MLXIP: variants seen among roughly 807,000 people sequenced by gnomAD.
The protein encoded by MLXIP is MLX-interacting protein.
A neutral mutation model predicts 87.2 loss-of-function variants in MLXIP; 30 were observed. The ratio of observed to expected loss-of-function variants is 0.34; its 90% CI spans 0.26 to 0.47. The LOEUF is 0.47. Among genes scored for constraint, MLXIP ranks in the 20% least tolerant of loss-of-function variants. The pLI, the probability that MLXIP is intolerant of heterozygous loss-of-function variation, is 1.00. For synonymous variants in MLXIP, 530 were observed against 514.0 expected (o/e 1.03, Z -0.42); for missense variants, 1,002 against 1,240.1 (o/e 0.81, Z 2.88).
At chr12:122,092,458 A>G (rs1952260664) in intron 1 of MLXIP, among the ~76,000 whole-genome samples, 1 of 152,080 alleles carries the variant, frequency 6.6e-6, no homozygotes, top group African/African-American at 2.4e-5. Context: ...TGCTCTGTTT[A>G]AAGTCACAGG....
rs367682904 is a variant in MLXIP at position 122,130,084 on chromosome 12, G to C, written c.882G>C (p.Pro294=). 2 of 1,613,844 alleles carry C rather than the reference G, an allele frequency of 1.2e-6. No homozygotes were observed. The highest frequency in any genetic ancestry group is 1.7e-6 in the Non-Finnish European group (2 of 1,179,838). Residue 294 remains proline (P), a synonymous_variant, in exon 6 of 17, where the codon CCG becomes CCC. Coordinates refer to ENST00000319080, the MANE Select transcript of MLXIP (RefSeq NM_014938.6). ...TLFSTLSSHQ[P]VAWPNPREIA... Reference sequence around the variant, plus strand: ...TCTCCACACTTTCTTCACACCAGCCGGTGGCCTGGCCCAATCCCCGGGAAA... The same window carrying C: ...TCTCCACACTTTCTTCACACCAGCCCGTGGCCTGGCCCAATCCCCGGGAAA...
At chr12:122,122,212 A>G (rs28683032) in intron 1 of MLXIP, among the ~76,000 whole-genome samples, 76,741 of 152,082 alleles carry the variant, frequency 0.5, 19,866 homozygotes, top group Middle Eastern at 0.64. Flanking sequence ...AGACTAAGAG[A>G]CAGCCCAGTC....
In MLXIP at chr12:122,135,154, G is replaced by T. The variant is rs183382345; in HGVS notation, c.1733-70G>T. The T allele has an allele frequency of 7.2e-3, 11,307 of 1,566,742 alleles. 59 individuals carry two copies. The highest frequency in any genetic ancestry group is 9.2e-3 in the Non-Finnish European group (10,561 of 1,150,468). ...AACAAGCTGTCTCACTGGCAGAGAG[G>T]CAGCCTCTGCAGGGTGGGCCAGGCC... is the stretch of plus-strand genomic sequence containing the variant. On this transcript the variant is annotated intron_variant, in intron 9 of 16. Coordinates refer to ENST00000319080, the MANE Select transcript of MLXIP (RefSeq NM_014938.6). The surrounding 1 kb of genome is among the most constrained non-coding windows in gnomAD (Gnocchi z 5.3).
chr12:122,107,417 C>A (rs1952538388), intron 1 of MLXIP, among the ~76,000 whole-genome samples: 1 of 152,176 alleles, frequency 6.6e-6, no homozygotes, highest in Non-Finnish European at 1.5e-5. Context: ...CCCCTCTTCC[C>A]ATCCAGAGTC....
At chr12:122,115,547 C>A (rs1952676876) in intron 1 of MLXIP, among the ~76,000 whole-genome samples, 1 of 126,908 alleles carries the variant, frequency 7.9e-6, no homozygotes, top group Non-Finnish European at 1.6e-5. Context: ...AAGATCGCAC[C>A]ATTGCACTCC....
chr12:122,095,643 GT>G (rs1431923416), intron 1 of MLXIP, among the ~76,000 whole-genome samples: 11 of 147,462 alleles, frequency 7.5e-5, no homozygotes, highest in Admixed American at 2.7e-4. Flanking sequence ...TCATAGTATA[GT>G]TTTTTTTTTA....
At chr12:122,084,462 G>A (rs186701667) in intron 1 of MLXIP, among the ~76,000 whole-genome samples, 1 of 152,252 alleles carries the variant, frequency 6.6e-6, no homozygotes, top group Admixed American at 6.5e-5. Flanking sequence ...AGAGGATGGA[G>A]GGAGGTTATT....
rs1291884065 is a variant in MLXIP at position 122,137,280 on chromosome 12, G to C, written c.2033-189G>C. On this transcript the variant is annotated intron_variant, in intron 11 of 16. Transcript: ENST00000319080. The surrounding 1 kb of genome is among the most constrained non-coding windows in gnomAD (Gnocchi z 4.1). ...GTGGATTAAGGGTGTTTTTGTTGTT[G>C]TTATTAATTTAAGATTTTCAGGGAG... 1.1e-5 allele frequency: 6 copies of C among 555,328 alleles called. No homozygotes were observed. The Admixed American group carries it at 1.9e-4, about 17-fold the overall frequency. The allele number at this position is 555,328 out of a possible 1,614,324, so 34.4% of individuals were successfully genotyped here.
intron 1 of MLXIP, among the ~76,000 whole-genome samples, chr12:122,093,691 G>C (rs1952289474): frequency 8.5e-6 from 1 of 118,142 alleles, no homozygotes; most frequent in Non-Finnish European, 1.8e-5. Context: ...GTGCGGTGTT[G>C]GTGTGTGGGG....
intron 1 of MLXIP, among the ~76,000 whole-genome samples, chr12:122,081,817 G>A (rs1045351376): frequency 3.8e-4 from 58 of 152,274 alleles, no homozygotes; most frequent in African/African-American, 1.3e-3. Context: ...GGCCAGCTGG[G>A]TCTCCTCTTC....
intron 11 of MLXIP, chr12:122,136,459 C>CAAAAAAG (rs1953093625): frequency 3.6e-5 from 1 of 28,162 alleles, no homozygotes; most frequent in African/African-American, 9.4e-5. Flanking sequence ...TCAAAAAATG[C>CAAAAAAG]AAAAAAAAAA....
chr12:122,121,488 G>A (rs1382178014), intron 1 of MLXIP, among the ~76,000 whole-genome samples: 3 of 150,908 alleles, frequency 2.0e-5, no homozygotes, highest in African/African-American at 7.3e-5. Flanking sequence ...GGCTGGTCTC[G>A]TGACCCTCCT....
intron 4 of MLXIP, 38 bp downstream of exon 4, chr12:122,129,264 G>A (rs1952932264): frequency 2.6e-6 from 4 of 1,550,206 alleles, no homozygotes; most frequent in African/African-American, 1.4e-5. Context: ...CGCCTAGGGA[G>A]GGAGTGGGCA....
chr12:122,078,989 G>A lies in MLXIP; in HGVS notation c.136G>A (p.Ala46Thr), dbSNP rs749022808. The A allele has an allele frequency of 1.2e-4, 137 of 1,097,252 alleles. No homozygotes were observed. The Middle Eastern group carries it at 3.1e-3, about 25-fold the overall frequency. 68.0% of individuals were successfully genotyped at this position (1,097,252 alleles called of 1,614,324 possible). The change falls in exon 1 of 17, where the codon GCG becomes ACG. Residue 46 changes from alanine to threonine, a missense_variant. Transcript: ENST00000319080. ...DEPSPPPASG[A>T]ATPARAHASA... ...GCCGTCCCCGCCGCCCGCCTCCGGC[G>A]CGGCCACCCCGGCCCGGGCCCACGC...
At chr12:122,118,217 C>A (rs1368076673) in intron 1 of MLXIP, among the ~76,000 whole-genome samples, 3 of 152,026 alleles carry the variant, frequency 2.0e-5, no homozygotes. Flanking sequence ...AGCGGTACGG[C>A]GTGAGATTTT....
At chr12:122,121,009 G>GTTTTTTTTTTTTTTTTTTTTTTTTTT (rs776332981) in intron 1 of MLXIP, among the ~76,000 whole-genome samples, 11 of 102,196 alleles carry the variant, frequency 1.1e-4, no homozygotes, top group East Asian at 6.4e-4. Context: ...CTGCATGCTT[G>GTTTTTTTTTTTTTTTTTTTTTTTTTT]GTTTTTTTTT....
rs1162475087 is a variant in MLXIP, at chr12:122,106,595, C to CTTT, written c.414-20639_414-20637dup. On this transcript the variant is annotated intron_variant, in intron 1 of 16. Coordinates refer to ENST00000319080, the MANE Select transcript of MLXIP (RefSeq NM_014938.6). Reference sequence around the variant, plus strand: ...TGAAAGCAAGATGGAATCGCAGGTTCTTTTTTTTTTTTTTTTTTTTTTTTG... The same window carrying CTTT: ...TGAAAGCAAGATGGAATCGCAGGTTCTTTTTTTTTTTTTTTTTTTTTTTTTTTG... 4.5e-3 allele frequency among the ~76,000 whole-genome samples: 283 copies of CTTT among 62,880 alleles called. 2 individuals carry two copies. Among genetic ancestry groups the CTTT allele is most frequent in the Non-Finnish European group, 5.5e-3 (188 of 34,312 alleles). The allele number at this position is 62,880 out of a possible 152,430, so 41.3% of individuals were successfully genotyped here.
At chr12:122,122,460 C>A (rs1952798354) in intron 1 of MLXIP, among the ~76,000 whole-genome samples, 1 of 152,194 alleles carries the variant, frequency 6.6e-6, no homozygotes, top group East Asian at 1.9e-4. Flanking sequence ...AACTCCTGGG[C>A]TCCAGGGATC....
intron 1 of MLXIP, among the ~76,000 whole-genome samples, chr12:122,102,340 G>A (rs1309697668): frequency 2.0e-5 from 3 of 152,178 alleles, no homozygotes; most frequent in East Asian, 1.9e-4. Flanking sequence ...GTGAAAAGAT[G>A]TTTAATACCA....
Sources: allele counts gnomAD v4.1 joint callset (sites outside exome capture counted in the v4.1 genomes callset), GRCh38; gene constraint gnomAD v4.1.1; non-coding constraint Gnocchi (gnomAD v3.1); transcripts MANE v1.5; gene names NCBI Gene and HGNC (gene_info 2026-07-23, HGNC 2026-07-21).